STK33: variants seen among roughly 807,000 people sequenced by gnomAD.
STK33 encodes the protein serine/threonine-protein kinase 33.
Under a neutral mutation model 58.0 loss-of-function variants are expected in STK33, and 52 were observed. That is an observed-to-expected ratio of 0.90 (90% confidence interval 0.72 to 1.13). STK33 has a LOEUF of 1.13. Ranked by LOEUF, STK33 falls within the 50% of genes most tolerant of loss-of-function variation. The probability of loss-of-function intolerance (pLI) is 0.00; values close to 1 mark genes in which losing one functional copy is unlikely to be tolerated. For synonymous variants in STK33, 215 were observed against 200.1 expected, an observed-to-expected ratio of 1.07 and a Z score of -0.63; for missense variants, 630 against 604.2, an observed-to-expected ratio of 1.04 and a Z score of -0.45.
intron 1 of STK33, among the ~76,000 whole-genome samples, chr11:8,587,150 A>G (rs373101314): frequency 2.0e-5 from 3 of 152,228 alleles, no homozygotes; most frequent in Admixed American, 6.5e-5. Context: ...CAGATTCAGC[A>G]AAGTATTATT....
rs543623122 is a variant in STK33 at position 8,494,811 on chromosome 11, C to T, written c.-465-14197G>A. Among the ~76,000 whole-genome samples, 12 of 152,300 alleles carry T rather than the reference C, an allele frequency of 7.9e-5. No individual in the cohort carries two copies. In the East Asian group the frequency reaches 2.3e-3, roughly 29 times the overall value. ...CACCACACATCTACAACCATCTGAT[C>T]TTTGACAAACCTGACAAAAACAAGA... On this transcript the variant is annotated intron_variant, in intron 1 of 15. Transcript: ENST00000687296.
intron 8 of STK33, 84 bp downstream of exon 8, chr11:8,461,721 C>A: frequency 9.0e-7 from 1 of 1,110,610 alleles, no homozygotes; most frequent in Non-Finnish European, 1.3e-6. Flanking sequence ...GCAACTGTGC[C>A]CCAAAGGGAT....
At chr11:8,368,376 G>A in the STK33 span, among the ~76,000 whole-genome samples, 1 of 152,194 alleles carries the variant, frequency 6.6e-6, no homozygotes, top group Non-Finnish European at 1.5e-5. Flanking sequence ...TGCCCAAGGA[G>A]GGTCCCTGAG....
chr11:8,362,920 C>T, the STK33 span, among the ~76,000 whole-genome samples: 14 of 149,948 alleles, frequency 9.3e-5, no homozygotes, highest in African/African-American at 3.5e-4. Flanking sequence ...CTTCCTTCCT[C>T]CCTCCTTTCC....
At chr11:8,339,422 A>T in the STK33 span, among the ~76,000 whole-genome samples, 1 of 152,266 alleles carries the variant, frequency 6.6e-6, no homozygotes, top group Admixed American at 6.5e-5. Context: ...TGGTAAATTT[A>T]TTTTGAAGTA....
At chr11:8,563,519 T>C (rs1957250371) in intron 1 of STK33, among the ~76,000 whole-genome samples, 1 of 152,182 alleles carries the variant, frequency 6.6e-6, no homozygotes, top group Non-Finnish European at 1.5e-5. Context: ...GGGCAGGTCA[T>C]CATAAATAAT....
chr11:8,473,502 G>GA (rs1163569543), intron 5 of STK33, among the ~76,000 whole-genome samples: 1 of 152,090 alleles, frequency 6.6e-6, no homozygotes, highest in South Asian at 2.1e-4. Context: ...CTGAATCCAG[G>GA]AAAGTCTACA....
chr11:8,366,199 G>A, the STK33 span, among the ~76,000 whole-genome samples: 3 of 152,350 alleles, frequency 2.0e-5, no homozygotes, highest in South Asian at 6.2e-4. Context: ...GGGCCCATCA[G>A]GGGAGGCTTC....
intron 1 of STK33, among the ~76,000 whole-genome samples, chr11:8,541,643 T>A (rs1485877327): frequency 6.6e-6 from 1 of 152,238 alleles, no homozygotes; most frequent in African/African-American, 2.4e-5. Flanking sequence ...AAAACTTTGA[T>A]ATAGTCCTAA....
At chr11:8,443,279 T>G (rs954985429) in intron 11 of STK33, among the ~76,000 whole-genome samples, 1 of 152,186 alleles carries the variant, frequency 6.6e-6, no homozygotes, top group African/African-American at 2.4e-5. Flanking sequence ...ACAGAAATTT[T>G]TATGCTCAAC....
chr11:8,567,735 C>A (rs1957545770), intron 1 of STK33, among the ~76,000 whole-genome samples: 1 of 152,152 alleles, frequency 6.6e-6, no homozygotes, highest in Non-Finnish European at 1.5e-5. Context: ...AAACCAAAAA[C>A]AAACTAACAG....
the STK33 span, among the ~76,000 whole-genome samples, chr11:8,371,337 G>GGAGGGATGCTGCCACGAGCC: frequency 6.6e-6 from 1 of 152,120 alleles, no homozygotes; most frequent in Admixed American, 6.5e-5. Flanking sequence ...GGCAGAGACT[G>GGAGGGATGCTGCCACGAGCC]GAGGGATGCT....
At chr11:8,485,204 A>G (rs1487935121) in intron 1 of STK33, among the ~76,000 whole-genome samples, 2 of 152,194 alleles carry the variant, frequency 1.3e-5, no homozygotes, top group African/African-American at 2.4e-5. Context: ...TAGAGGTTAT[A>G]AGTTTATAAT....
chr11:8,464,675 G>A, intron 7 of STK33, 34 bp downstream of exon 7: 2 of 1,490,034 alleles, frequency 1.3e-6, no homozygotes, highest in Non-Finnish European at 1.9e-6. Context: ...CACTAACACT[G>A]TGCCCTCAGT....
chr11:8,360,476 C>G, the STK33 span, among the ~76,000 whole-genome samples: 5 of 152,268 alleles, frequency 3.3e-5, no homozygotes, highest in African/African-American at 1.2e-4. Flanking sequence ...TCTTTTATTG[C>G]TGCTTTACAA....
At chr11:8,407,847 C>G (rs957263906) in intron 15 of STK33, among the ~76,000 whole-genome samples, 1 of 151,982 alleles carries the variant, frequency 6.6e-6, no homozygotes, top group Non-Finnish European at 1.5e-5. Flanking sequence ...CTCAGCAAAC[C>G]CCAAGCAGGA....
chr11:8,392,169 G>A lies in STK33; in HGVS notation c.*341C>T. On this transcript the variant is annotated 3_prime_UTR_variant, in exon 16 of 16. Transcript: ENST00000687296. The stretch of plus-strand genomic sequence containing the variant: ...CTTGTTTTCCCCTATAAATAGCTGT[G>A]CCTAAACATAAGAATTTGAAGTAAA... 1 of 272,722 alleles carries A rather than the reference G, an allele frequency of 3.7e-6. No individual in the cohort carries two copies. 16.9% of individuals were successfully genotyped at this position (272,722 alleles called of 1,614,324 possible).
At chr11:8,403,499 G>A (rs999318441) in intron 15 of STK33, among the ~76,000 whole-genome samples, 2 of 152,182 alleles carry the variant, frequency 1.3e-5, no homozygotes, top group African/African-American at 2.4e-5. Context: ...CAGCACTGTG[G>A]AGGTGGACAG....
chr11:8,360,405 C>A, the STK33 span, among the ~76,000 whole-genome samples: 2 of 152,200 alleles, frequency 1.3e-5, no homozygotes, highest in Admixed American at 1.3e-4. Context: ...AAGGCCTAGC[C>A]CCAGGTCCAC....
Sources: gnomAD v4.1 joint callset for allele counts (sites outside exome capture counted in the v4.1 genomes callset) on GRCh38, gnomAD v4.1.1 for gene constraint, MANE v1.5 for transcripts, NCBI Gene and HGNC (gene_info 2026-07-23, HGNC 2026-07-21) for gene names.